Variants in ADAMTS20 observed in about 807,000 individuals in gnomAD.
ADAMTS20 encodes the protein ADAM metallopeptidase with thrombospondin type 1 motif 20.
ADAMTS20 carries 225 observed loss-of-function variants against 260.1 expected under a neutral mutation model. The observed-to-expected ratio is 0.87, with a 90% CI of 0.78 to 0.97. The LOEUF is 0.97. Ranked by LOEUF, ADAMTS20 falls within the 50% of genes least tolerant of loss-of-function variation. The pLI, the probability that ADAMTS20 is intolerant of heterozygous loss-of-function variation, is 0.00. For missense variants in ADAMTS20, 2,400 were observed against 2,337.7 expected, an observed-to-expected ratio of 1.03 and a Z score of -0.55; for synonymous variants, 802 against 769.5, an observed-to-expected ratio of 1.04 and a Z score of -0.70.
chr12:43,492,084 G>C (rs1942607657), intron 6 of ADAMTS20, among the ~76,000 whole-genome samples: 1 of 152,082 alleles, frequency 6.6e-6, no homozygotes, highest in Admixed American at 6.5e-5. Flanking sequence ...TATTAACAAA[G>C]AATTAAGAAG....
At chr12:43,424,812 C>G (rs1400902155) in intron 28 of ADAMTS20, among the ~76,000 whole-genome samples, 2 of 151,668 alleles carry the variant, frequency 1.3e-5, no homozygotes, top group African/African-American at 4.8e-5. Context: ...TCAAAGTTCA[C>G]ATATTAAAAA....
At chr12:43,386,309 G>A (rs1016698018) in intron 29 of ADAMTS20, among the ~76,000 whole-genome samples, 12 of 151,976 alleles carry the variant, frequency 7.9e-5, no homozygotes, top group African/African-American at 2.7e-4. Context: ...GTTGAATATC[G>A]GCCCCCACTC....
chr12:43,388,882 T>C (rs926155845), intron 29 of ADAMTS20, among the ~76,000 whole-genome samples: 2 of 152,196 alleles, frequency 1.3e-5, no homozygotes, highest in Admixed American at 1.3e-4. Context: ...GAGTCCACTT[T>C]CTGGTTCCTA....
intron 2 of ADAMTS20, among the ~76,000 whole-genome samples, chr12:43,532,396 G>C (rs559914653): frequency 5.3e-5 from 8 of 152,186 alleles, no homozygotes; most frequent in Non-Finnish European, 5.9e-5. Flanking sequence ...CATGAAGACT[G>C]GATAGTGTTC....
In ADAMTS20 at chr12:43,552,027, T is replaced by C; in HGVS notation, c.-106A>G. 1 of 965,148 alleles carries C rather than the reference T, an allele frequency of 1.0e-6. No individual in the cohort carries two copies. The highest frequency in any genetic ancestry group is 1.6e-6 in the Non-Finnish European group (1 of 619,916). The allele number at this position is 965,148 out of a possible 1,614,324, so 59.8% of individuals were successfully genotyped here. The stretch of plus-strand genomic sequence containing the variant: ...CTCTCCTCCCTCTCGCCCGCCGCTC[T>C]CCGCGCCTCAGCAGCCTAGGGAACA... On this transcript the variant is annotated 5_prime_UTR_variant, in exon 1 of 39. Transcript: ENST00000389420.
chr12:43,356,860 G>T (rs1312201187), intron 37 of ADAMTS20, among the ~76,000 whole-genome samples: 1 of 152,068 alleles, frequency 6.6e-6, no homozygotes, highest in East Asian at 1.9e-4. Flanking sequence ...ACCCTTCATT[G>T]CTAACTTCTA....
chr12:43,510,700 G>A (rs1389073351), intron 3 of ADAMTS20, among the ~76,000 whole-genome samples: 2 of 151,786 alleles, frequency 1.3e-5, no homozygotes, highest in East Asian at 3.9e-4. Flanking sequence ...ACAAAATCAC[G>A]CACACCATGC....
chr12:43,374,113 AGTC>A (rs1172499274), intron 36 of ADAMTS20, among the ~76,000 whole-genome samples: 1 of 152,188 alleles, frequency 6.6e-6, no homozygotes, highest in Non-Finnish European at 1.5e-5. Flanking sequence ...ATATGCCCAA[AGTC>A]ACAGAGCTGA....
intron 11 of ADAMTS20, among the ~76,000 whole-genome samples, chr12:43,456,083 G>A (rs574495121): frequency 5.3e-5 from 8 of 152,224 alleles, no homozygotes; most frequent in Middle Eastern, 3.4e-3. Flanking sequence ...ATTTTGTGAG[G>A]AATGGCCACA....
chr12:43,442,550 G>A (rs948723749), intron 16 of ADAMTS20, among the ~76,000 whole-genome samples: 4 of 152,116 alleles, frequency 2.6e-5, no homozygotes, highest in Non-Finnish European at 5.9e-5. Context: ...GAGCCACCAT[G>A]CACAGCCAAC....
intron 38 of ADAMTS20, 25 bp from the exon 39 acceptor site, chr12:43,354,323 G>A (rs2137174031): frequency 6.6e-7 from 1 of 1,521,324 alleles, no homozygotes; most frequent in Non-Finnish European, 9.0e-7. Context: ...AAGAAATACA[G>A]AAGAATCTTA....
chr12:43,481,223 C>A (rs1337672288), intron 7 of ADAMTS20, among the ~76,000 whole-genome samples: 1 of 152,080 alleles, frequency 6.6e-6, no homozygotes, highest in Non-Finnish European at 1.5e-5. Flanking sequence ...TAAATAACTT[C>A]CACAAGCTTA....
chr12:43,401,607 GTTACT>G (rs1940810793), intron 28 of ADAMTS20, among the ~76,000 whole-genome samples: 1 of 151,742 alleles, frequency 6.6e-6, no homozygotes, highest in South Asian at 2.1e-4. Flanking sequence ...TCTCTTCTTT[GTTACT>G]TTAATCTATT....
At chr12:43,513,374 G>A (rs1942951625) in intron 3 of ADAMTS20, among the ~76,000 whole-genome samples, 1 of 152,096 alleles carries the variant, frequency 6.6e-6, no homozygotes. Flanking sequence ...CATACATTGG[G>A]AACTGAAAAC....
At position 43,453,918 on chromosome 12, in the gene ADAMTS20, A is replaced by T; in HGVS notation, c.1749T>A (p.Cys583Ter). 1.2e-6 allele frequency: 2 copies of T among 1,604,608 alleles called. No homozygotes were observed. The highest frequency in any genetic ancestry group is 1.7e-6 in the Non-Finnish European group (2 of 1,174,802). ...TAAAAAAGACATACTCAGGACGATT[A>T]CAGCGCCTGGTTGCACTTTCGATTC... is the stretch of plus-strand genomic sequence containing the variant. ...GGGIESATRR[C>*]NRPEPRNGGN... The change falls in exon 12 of 39, where the codon TGT becomes TGA. Residue 583 changes from cysteine (C) to a stop codon, truncating the protein, a stop_gained. Coordinates refer to ENST00000389420, the MANE Select transcript of ADAMTS20 (RefSeq NM_025003.5). LOFTEE classifies it high-confidence loss of function.
At chr12:43,491,371 A>G (rs1942597521) in intron 6 of ADAMTS20, among the ~76,000 whole-genome samples, 1 of 152,158 alleles carries the variant, frequency 6.6e-6, no homozygotes. Flanking sequence ...CTAATGATGC[A>G]TTTCTTGGAA....
chr12:43,458,647 C>T (rs1942008159), intron 11 of ADAMTS20, among the ~76,000 whole-genome samples: 1 of 152,166 alleles, frequency 6.6e-6, no homozygotes, highest in Non-Finnish European at 1.5e-5. Context: ...GCAATCTGCC[C>T]TCTCCTACTA....
At chr12:43,380,085 T>C (rs1411647316) in intron 31 of ADAMTS20, among the ~76,000 whole-genome samples, 2 of 152,134 alleles carry the variant, frequency 1.3e-5, no homozygotes, top group African/African-American at 4.8e-5. Context: ...TAAAAAGGAT[T>C]ATACACCATG....
intron 11 of ADAMTS20, 108 bp downstream of exon 11, chr12:43,462,787 T>C (rs1028914621): frequency 8.9e-6 from 7 of 789,176 alleles, no homozygotes; most frequent in African/African-American, 6.9e-5. Flanking sequence ...TTAATTCGAC[T>C]AGCTGAAGAA....
Sources: gnomAD v4.1 joint callset for allele counts (sites outside exome capture counted in the v4.1 genomes callset) on GRCh38, gnomAD v4.1.1 for gene constraint, MANE v1.5 for transcripts, NCBI Gene and HGNC (gene_info 2026-07-23, HGNC 2026-07-21) for gene names.